The following RIN2 variants were observed in gnomAD, a reference collection of about 807,000 sequenced individuals.
RIN2 encodes the protein RAB5 interacting protein 2.
RIN2 carries 36 observed loss-of-function variants against 78.0 expected under a neutral mutation model. The observed-to-expected ratio is 0.46, with a 90% CI of 0.35 to 0.61. RIN2 has a LOEUF of 0.61. Among genes scored for constraint, RIN2 ranks in the 20% least tolerant of loss-of-function variants. RIN2 has a pLI of 0.00. For missense variants in RIN2, 1,087 were observed against 1,159.7 expected, an observed-to-expected ratio of 0.94 and a Z score of 0.91; for synonymous variants, 466 against 466.8, an observed-to-expected ratio of 1.00 and a Z score of 0.02.
chr20:19,925,180 T>C (rs1460215728), intron 3 of RIN2, among the ~76,000 whole-genome samples: 1 of 151,094 alleles, frequency 6.6e-6, no homozygotes, highest in East Asian at 1.9e-4. Context: ...CAACCCAGGG[T>C]ATAGTGCTTA....
At chr20:19,891,322 C>T (rs755441172) in intron 3 of RIN2, among the ~76,000 whole-genome samples, 10 of 152,292 alleles carry the variant, frequency 6.6e-5, no homozygotes, top group South Asian at 4.1e-4. Context: ...CAATTGTCAT[C>T]CTCCAGGTTC....
intron 2 of RIN2, 95 bp downstream of exon 2, chr20:19,799,842 T>C (rs2035185185): frequency 6.6e-6 from 1 of 152,194 alleles, no homozygotes; most frequent in South Asian, 2.1e-4. Context: ...TCATGTGCTA[T>C]AGTTGTGATA....
intron 2 of RIN2, among the ~76,000 whole-genome samples, chr20:19,829,058 C>T (rs1401146005): frequency 6.6e-6 from 1 of 152,118 alleles, no homozygotes; most frequent in Non-Finnish European, 1.5e-5. Flanking sequence ...GGATCCTCAG[C>T]AGAGAATAAT....
intron 9 of RIN2, among the ~76,000 whole-genome samples, chr20:19,982,164 G>T (rs568288257): frequency 6.6e-6 from 1 of 152,194 alleles, no homozygotes; most frequent in East Asian, 1.9e-4. Context: ...AGAAAGCAGC[G>T]TGCTTACGAG....
intron 11 of RIN2, among the ~76,000 whole-genome samples, chr20:19,996,137 A>C (rs1172086904): frequency 3.3e-5 from 5 of 152,178 alleles, no homozygotes; most frequent in Non-Finnish European, 7.3e-5. Flanking sequence ...AATATGGTGA[A>C]ACCCCATCTC....
At chr20:19,803,682 CTT>C (rs887767133) in intron 2 of RIN2, among the ~76,000 whole-genome samples, 6 of 152,260 alleles carry the variant, frequency 3.9e-5, no homozygotes, top group African/African-American at 1.2e-4. Flanking sequence ...TGTACAGACT[CTT>C]TTTTGGTTCC....
chr20:19,849,457 C>T (rs965099786), intron 2 of RIN2, among the ~76,000 whole-genome samples: 6 of 152,172 alleles, frequency 3.9e-5, no homozygotes, highest in Non-Finnish European at 8.8e-5. Context: ...GCGAGAGCAT[C>T]GTTCTACCCC....
At position 19,992,219 on chromosome 20, in the gene RIN2, C is replaced by A; in HGVS notation, c.2120C>A (p.Ala707Asp). ...DFLPVLTYVIAQCDMLELDTE... is the reference protein window; with the variant it reads ...DFLPVLTYVIDQCDMLELDTE... ...TTGCCAGTCCTGACCTATGTCATAG[C>A]CCAGTGTGACATGCTTGAATTGGAC... The change falls in exon 11 of 13, where the codon GCC becomes GAC. Residue 707 changes from alanine to aspartate, a missense_variant. By Grantham distance (126) the Ala-to-Asp change is moderately radical. Coordinates refer to ENST00000255006, the MANE Select transcript of RIN2 (RefSeq NM_018993.4). 1 of 1,610,556 alleles carries A rather than the reference C, an allele frequency of 6.2e-7. No individual in the cohort carries two copies. The highest frequency in any genetic ancestry group is 1.7e-5 in the Admixed American group (1 of 59,608).
chr20:19,926,534 A>G (rs2040230203), intron 3 of RIN2, among the ~76,000 whole-genome samples: 1 of 151,960 alleles, frequency 6.6e-6, no homozygotes, highest in Non-Finnish European at 1.5e-5. Context: ...CATGAGAGGT[A>G]CCCACCACAC....
At position 19,869,657 on chromosome 20, in the gene RIN2, G is replaced by A. The variant is rs549555779; in HGVS notation, c.-36-19909G>A. Among the ~76,000 whole-genome samples, 35 of 149,956 alleles carry A rather than the reference G, an allele frequency of 2.3e-4. No individual in the cohort carries two copies. In the South Asian group the frequency reaches 4.2e-3, roughly 18 times the overall value. On this transcript the variant is annotated intron_variant, in intron 2 of 12. Transcript: ENST00000255006. ...TTTTTTTTTTGAGAGACAGGGTCTC[G>A]CTCTGGGGCCCAAGCTGGAGTGCAG...
At chr20:19,968,315 C>T (rs2042001553) in intron 7 of RIN2, among the ~76,000 whole-genome samples, 1 of 152,208 alleles carries the variant, frequency 6.6e-6, no homozygotes, top group South Asian at 2.1e-4. Flanking sequence ...CAAAATAAAT[C>T]TAGACTGTAC....
chr20:19,825,381 TTAGA>T (rs1266308808), intron 2 of RIN2, among the ~76,000 whole-genome samples: 1 of 152,228 alleles, frequency 6.6e-6, no homozygotes, highest in Non-Finnish European at 1.5e-5. Flanking sequence ...GCTCTGATCA[TTAGA>T]TAGGTCTTTC....
chr20:19,863,332 G>A (rs1198874645), intron 2 of RIN2, among the ~76,000 whole-genome samples: 1 of 152,168 alleles, frequency 6.6e-6, no homozygotes, highest in Non-Finnish European at 1.5e-5. Flanking sequence ...AACCATGTAT[G>A]TGCCTCACCC....
intron 1 of RIN2, among the ~76,000 whole-genome samples, chr20:19,763,668 C>T (rs1037650848): frequency 3.3e-5 from 5 of 152,126 alleles, no homozygotes; most frequent in South Asian, 2.1e-4. Context: ...AATTTTTTAA[C>T]GCTGTGGGTA....
chr20:19,824,790 C>T (rs954691787), intron 2 of RIN2, among the ~76,000 whole-genome samples: 3 of 152,132 alleles, frequency 2.0e-5, no homozygotes, highest in Non-Finnish European at 2.9e-5. Context: ...ACATTAGTTA[C>T]AGAAACTCGG....
intron 1 of RIN2, among the ~76,000 whole-genome samples, chr20:19,766,137 G>C (rs1490447591): frequency 6.6e-6 from 1 of 152,088 alleles, no homozygotes; most frequent in Non-Finnish European, 1.5e-5. Context: ...GTCATGGATG[G>C]GGCACCCACC....
chr20:19,869,923 C>G (rs2037637610), intron 2 of RIN2, among the ~76,000 whole-genome samples: 1 of 152,070 alleles, frequency 6.6e-6, no homozygotes, highest in South Asian at 2.1e-4. Context: ...ATTGGGATTA[C>G]AGGCGTGAGC....
chr20:19,853,780 C>T (rs2037070215), intron 2 of RIN2, among the ~76,000 whole-genome samples: 1 of 152,114 alleles, frequency 6.6e-6, no homozygotes, highest in Non-Finnish European at 1.5e-5. Context: ...TGGATATTAG[C>T]CCTTTGTCAG....
chr20:19,923,789 G>T (rs952279597), intron 3 of RIN2, among the ~76,000 whole-genome samples: 1 of 151,990 alleles, frequency 6.6e-6, no homozygotes, highest in Non-Finnish European at 1.5e-5. Context: ...TGTTATTTGA[G>T]GTATAAGGAG....
Sources: allele counts gnomAD v4.1 joint callset (sites outside exome capture counted in the v4.1 genomes callset), GRCh38; gene constraint gnomAD v4.1.1; transcripts MANE v1.5; gene names NCBI Gene and HGNC (gene_info 2026-07-23, HGNC 2026-07-21).